DENND2B: variants seen among roughly 807,000 people sequenced by gnomAD.
The protein encoded by DENND2B is DENN domain-containing protein 2B.
In DENND2B, 32 loss-of-function variants were observed where a neutral mutation model predicts 116.0. The ratio of observed to expected loss-of-function variants is 0.28; its 90% CI spans 0.21 to 0.37. The LOEUF (loss-of-function observed/expected upper bound fraction) is 0.37, where lower values mean the gene tolerates loss of function less well. Ranked by LOEUF, DENND2B falls within the 10% of genes least tolerant of loss-of-function variation. The probability of loss-of-function intolerance (pLI) is 1.00; values close to 1 mark genes in which losing one functional copy is unlikely to be tolerated. For synonymous variants in DENND2B, 588 were observed against 583.9 expected (o/e 1.01, Z -0.10); for missense variants, 1,276 against 1,477.7 (o/e 0.86, Z 2.24).
At chr11:8,750,347 G>A (rs1436568690) in intron 2 of DENND2B, among the ~76,000 whole-genome samples, 2 of 152,214 alleles carry the variant, frequency 1.3e-5, no homozygotes, top group East Asian at 3.8e-4. Context: ...ATGGGAAAAG[G>A]TTACAAGCCA....
chr11:8,715,745 C>T lies in DENND2B; in HGVS notation c.1703G>A (p.Arg568Gln), dbSNP rs149960221. The change falls in exon 6 of 20, where the codon CGA becomes CAA. Residue 568 changes from arginine to glutamine, a missense_variant. Around this residue, in one of 2 missense-constraint regions of DENND2B, gnomAD observed 856 missense variants for 846.6 expected, o/e 1.01. Transcript: ENST00000313726. ...WSERKSHRLP[R>Q]LPKRHSHDDM... ...GTCATGGCTGTGCCTCTTGGGTAAT[C>T]GTGGCAGCCGGTGGCTCTTCCTTTC... 5.5e-5 allele frequency: 88 copies of T among 1,614,120 alleles called. No homozygotes were observed. The highest frequency in any genetic ancestry group is 3.3e-4 in the Middle Eastern group (2 of 6,060).
intron 2 of DENND2B, 85 bp downstream of exon 2, chr11:8,750,536 G>A: frequency 8.8e-7 from 1 of 1,138,422 alleles, no homozygotes; most frequent in South Asian, 1.3e-5. Context: ...TGTCAGTCAA[G>A]ATGATGACTA....
At chr11:8,806,517 C>G (rs557266075) in intron 1 of DENND2B, among the ~76,000 whole-genome samples, 1 of 150,938 alleles carries the variant, frequency 6.6e-6, no homozygotes, top group East Asian at 1.9e-4. Context: ...TTCATGACAT[C>G]AGAGCCAAAA....
chr11:8,816,413 T>G, intron 4 of DENND2B, among the ~76,000 whole-genome samples: 1 of 152,082 alleles, frequency 6.6e-6, no homozygotes, highest in South Asian at 2.1e-4. Flanking sequence ...TGGCTGGGCA[T>G]AGTGGCACAC....
At chr11:8,861,438 A>G (rs2063386631) in intron 2 of DENND2B, among the ~76,000 whole-genome samples, 1 of 152,246 alleles carries the variant, frequency 6.6e-6, no homozygotes, top group South Asian at 2.1e-4. Context: ...AATGCTCAAC[A>G]TAACAAATCA....
intron 1 of DENND2B, chr11:8,774,007 G>A (rs2057296018): frequency 1.6e-6 from 1 of 611,618 alleles, no homozygotes; most frequent in Non-Finnish European, 2.0e-6. Flanking sequence ...AGCTTTGGAT[G>A]TGTTGCCTAC....
intron 4 of DENND2B, among the ~76,000 whole-genome samples, chr11:8,836,800 G>A (rs967739322): frequency 2.6e-5 from 4 of 151,940 alleles, no homozygotes; most frequent in African/African-American, 9.7e-5. Context: ...CTGCAGTCTC[G>A]ACCTCCCTGG....
chr11:8,802,543 G>A (rs1317963895), intron 1 of DENND2B, among the ~76,000 whole-genome samples: 2 of 152,152 alleles, frequency 1.3e-5, no homozygotes, highest in African/African-American at 4.8e-5. Context: ...GGCAGAGGCA[G>A]AATTTGAACC....
intron 2 of DENND2B, among the ~76,000 whole-genome samples, chr11:8,742,160 A>C (rs926047775): frequency 3.3e-5 from 5 of 152,118 alleles, no homozygotes; most frequent in Non-Finnish European, 2.9e-5. Flanking sequence ...TCAGCCTCCC[A>C]AAGTGCTGGG....
Position 8,696,632 on chromosome 11 carries a change from C to A in DENND2B, c.3087G>T (p.Val1029=). 6.2e-7 allele frequency: 1 copy of A among 1,614,170 alleles called. No individual in the cohort carries two copies. Among genetic ancestry groups the A allele is most frequent in the Non-Finnish European group, 8.5e-7 (1 of 1,180,040 alleles). ...CGGTCTCCACAAAGAACCGGATAAA[C>A]ACCTCCGACACCAGCCCATTGAGGG... ...CNTLNGLVSE[V]FIRFFVETVG... Residue 1029 remains valine (V), a synonymous_variant, in exon 18 of 20, where the codon GTG becomes GTT. Coordinates refer to ENST00000313726, the MANE Select transcript of DENND2B (RefSeq NM_213618.2).
intron 1 of DENND2B, among the ~76,000 whole-genome samples, chr11:8,890,188 G>A (rs888964253): frequency 1.3e-5 from 2 of 152,036 alleles, no homozygotes; most frequent in Admixed American, 6.6e-5. Context: ...GGTCCTGACT[G>A]TTAGAAGGAA....
At chr11:8,711,948 CAGACCT>C (rs1259884811) in intron 9 of DENND2B, 3 of 455,796 alleles carry the variant, frequency 6.6e-6, no homozygotes, top group Non-Finnish European at 1.3e-5. Flanking sequence ...GGTGTCTGGA[CAGACCT>C]CCTGAAAGAG....
intron 1 of DENND2B, among the ~76,000 whole-genome samples, chr11:8,901,137 C>T (rs537814090): frequency 6.6e-6 from 1 of 151,722 alleles, no homozygotes; most frequent in Non-Finnish European, 1.5e-5. Context: ...TGATTTCTAC[C>T]TAATCATCAT....
intron 11 of DENND2B, chr11:8,708,296 T>G: frequency 7.1e-6 from 7 of 985,452 alleles, no homozygotes; most frequent in Non-Finnish European, 6.0e-6. Context: ...ACCATTCCTT[T>G]TTTTGCTTCT....
At chr11:8,714,149 T>C in intron 7 of DENND2B, 107 bp from the exon 8 acceptor site, 1 of 1,112,258 alleles carries the variant, frequency 9.0e-7, no homozygotes, top group Admixed American at 1.8e-5. Flanking sequence ...CTACCTTCTC[T>C]GGGCTACTCT....
intron 4 of DENND2B, chr11:8,718,454 A>AG: frequency 6.6e-7 from 1 of 1,513,060 alleles, no homozygotes; most frequent in Non-Finnish European, 8.8e-7. Flanking sequence ...CAAGTCTTTT[A>AG]GGGCAGGGTT....
At chr11:8,799,918 TTTATTATTATTATTATTATTATTA>T (rs143632896) in intron 1 of DENND2B, among the ~76,000 whole-genome samples, 10 of 143,658 alleles carry the variant, frequency 7.0e-5, no homozygotes, top group East Asian at 4.1e-4. Flanking sequence ...TCACCATGTA[TTTATTATTATTATTATTATTATTA>T]TTATTATTAT....
intron 2 of DENND2B, among the ~76,000 whole-genome samples, chr11:8,878,509 C>A (rs992107332): frequency 6.6e-5 from 10 of 151,970 alleles, no homozygotes; most frequent in Non-Finnish European, 1.3e-4. Flanking sequence ...CCTGTCTCAG[C>A]CTCCCAAATA....
chr11:8,808,413 A>T (rs1290104456), intron 1 of DENND2B: 1 of 152,210 alleles, frequency 6.6e-6, no homozygotes, highest in Non-Finnish European at 1.5e-5. Context: ...TAAACACATG[A>T]GTCAGGTGAC....
Sources: gnomAD v4.1 joint callset for allele counts (sites outside exome capture counted in the v4.1 genomes callset) on GRCh38, gnomAD v4.1.1 for gene constraint, gnomAD v4.1.1 regional missense constraint, MANE v1.5 for transcripts, NCBI Gene and HGNC (gene_info 2026-07-23, HGNC 2026-07-21) for gene names.